Variants in CYP39A1 observed in about 807,000 individuals in gnomAD.
CYP39A1 encodes cytochrome P450 family 39 subfamily A member 1.
Under a neutral mutation model 58.1 loss-of-function variants are expected in CYP39A1, and 49 were observed. The ratio of observed to expected loss-of-function variants is 0.84; its 90% CI spans 0.67 to 1.07. The LOEUF is 1.07. Ranked by LOEUF, CYP39A1 falls within the 50% of genes least tolerant of loss-of-function variation. The pLI is 0.00. For missense variants in CYP39A1, 531 were observed against 539.4 expected (o/e 0.98, Z 0.16); for synonymous variants, 209 against 187.6 (o/e 1.11, Z -0.93).
intron 7 of CYP39A1, among the ~76,000 whole-genome samples, chr6:46,622,738 G>A (rs1389190155): frequency 1.3e-5 from 2 of 152,182 alleles, no homozygotes; most frequent in Non-Finnish European, 2.9e-5. Context: ...GATAGAAGGT[G>A]TACAGGATTA....
At chr6:46,640,473 C>A (rs1253381938) in intron 2 of CYP39A1, among the ~76,000 whole-genome samples, 1 of 152,180 alleles carries the variant, frequency 6.6e-6, no homozygotes, top group Admixed American at 6.5e-5. Flanking sequence ...TTTGAGCCCA[C>A]TATTTTCTTT....
intron 10 of CYP39A1, among the ~76,000 whole-genome samples, chr6:46,585,270 C>T (rs1772400237): frequency 6.6e-6 from 1 of 151,998 alleles, no homozygotes; most frequent in Non-Finnish European, 1.5e-5. Flanking sequence ...GTTTAAAATA[C>T]TGCTAGCTCC....
intron 10 of CYP39A1, among the ~76,000 whole-genome samples, chr6:46,555,025 C>T (rs527843923): frequency 1.9e-4 from 28 of 149,288 alleles, no homozygotes; most frequent in Admixed American, 1.5e-3. Flanking sequence ...TCACTATCTC[C>T]TCATTACACA....
intron 10 of CYP39A1, among the ~76,000 whole-genome samples, chr6:46,554,875 A>G (rs772393584): frequency 2.3e-4 from 35 of 152,068 alleles, no homozygotes; most frequent in Non-Finnish European, 4.4e-4. Flanking sequence ...CAGTCCCTCC[A>G]TGACTCCCTC....
intron 10 of CYP39A1, chr6:46,586,231 G>A: frequency 5.1e-6 from 5 of 982,990 alleles, no homozygotes; most frequent in Non-Finnish European, 6.0e-6. Flanking sequence ...TGGCATTATT[G>A]TTCAAATAAT....
chr6:46,648,107 T>C (rs542983398), intron 1 of CYP39A1, among the ~76,000 whole-genome samples: 2 of 152,262 alleles, frequency 1.3e-5, no homozygotes, highest in East Asian at 3.9e-4. Context: ...AGTGTGGTGA[T>C]TCCTCAAGGA....
intron 6 of CYP39A1, among the ~76,000 whole-genome samples, chr6:46,627,962 A>G (rs1253343418): frequency 1.3e-5 from 2 of 152,212 alleles, no homozygotes; most frequent in African/African-American, 2.4e-5. Flanking sequence ...CCAAGGTCAG[A>G]GATGGGCAAG....
intron 10 of CYP39A1, among the ~76,000 whole-genome samples, chr6:46,581,766 C>T (rs766148099): frequency 3.9e-5 from 6 of 152,072 alleles, no homozygotes; most frequent in Non-Finnish European, 8.8e-5. Flanking sequence ...ACATGTACCC[C>T]CCTTGAACCC....
intron 7 of CYP39A1, among the ~76,000 whole-genome samples, chr6:46,606,246 G>A (rs146027539): frequency 5.3e-5 from 8 of 152,228 alleles, no homozygotes; most frequent in Non-Finnish European, 1.2e-4. Flanking sequence ...TATTAGAGAT[G>A]TAGCCTACAT....
At chr6:46,638,060 A>C (rs1582455874) in intron 3 of CYP39A1, 82 bp from the exon 4 acceptor site, 29 of 1,356,098 alleles carry the variant, frequency 2.1e-5, no homozygotes, top group East Asian at 4.8e-5. Flanking sequence ...GCATTATTTC[A>C]TAGCAATATA....
chr6:46,594,877 C>T (rs1163859011), intron 8 of CYP39A1, among the ~76,000 whole-genome samples: 2 of 151,662 alleles, frequency 1.3e-5, no homozygotes, highest in East Asian at 3.9e-4. Context: ...AAGAGACAAC[C>T]TAATGGGGGA....
At chr6:46,636,713 C>A (rs1776010678) in intron 4 of CYP39A1, among the ~76,000 whole-genome samples, 1 of 152,154 alleles carries the variant, frequency 6.6e-6, no homozygotes. Flanking sequence ...ACTTTGGAGT[C>A]CTACTGGATT....
At position 46,587,114 on chromosome 6, in the gene CYP39A1, T is replaced by G. The variant is rs1226200373; in HGVS notation, c.1213A>C (p.Met405Leu). The change falls in exon 10 of 12, where the codon ATG (methionine) becomes CTG (leucine). Residue 405 changes from methionine to leucine, a missense_variant. Transcript: ENST00000275016. ...LEKHSFLDCF[M>L]AFGSGKFQCP... is the part of the protein sequence containing the mutation. ...TGGAACTTCCCGCTTCCAAATGCCA[T>G]GAAGCAGTCCAAGAAAGAGTGCTTC... The G allele has an allele frequency of 1.2e-6, 2 of 1,612,276 alleles. No individual in the cohort carries two copies. Among genetic ancestry groups the G allele is most frequent in the Admixed American group, 3.3e-5 (2 of 59,754 alleles).
intron 10 of CYP39A1, among the ~76,000 whole-genome samples, chr6:46,569,722 A>T (rs183477324): frequency 3.3e-5 from 5 of 152,208 alleles, no homozygotes; most frequent in African/African-American, 1.2e-4. Context: ...GATAAATACT[A>T]CTTGATCATG....
At chr6:46,584,127 A>G (rs920893206) in intron 10 of CYP39A1, among the ~76,000 whole-genome samples, 1 of 152,140 alleles carries the variant, frequency 6.6e-6, no homozygotes, top group Non-Finnish European at 1.5e-5. Flanking sequence ...ACAATTTGCT[A>G]TTTTATTTCT....
intron 11 of CYP39A1, among the ~76,000 whole-genome samples, chr6:46,552,366 A>T (rs1276101683): frequency 2.0e-5 from 3 of 152,174 alleles, no homozygotes; most frequent in Admixed American, 6.5e-5. Context: ...TCATTGTAAG[A>T]TTCTGAGAGC....
chr6:46,611,507 T>G (rs1443425352), intron 7 of CYP39A1, among the ~76,000 whole-genome samples: 4 of 152,202 alleles, frequency 2.6e-5, no homozygotes, highest in Non-Finnish European at 5.9e-5. Flanking sequence ...CATTCTATCA[T>G]GTCAAAAGAA....
intron 7 of CYP39A1, among the ~76,000 whole-genome samples, chr6:46,615,941 T>C (rs947832627): frequency 6.6e-6 from 1 of 151,642 alleles, no homozygotes; most frequent in African/African-American, 2.4e-5. Context: ...TGATTCTATT[T>C]AATACTATAA....
intron 8 of CYP39A1, among the ~76,000 whole-genome samples, chr6:46,594,221 T>A (rs1277279513): frequency 6.6e-6 from 1 of 152,144 alleles, no homozygotes; most frequent in Non-Finnish European, 1.5e-5. Context: ...AATGAAACAT[T>A]GCTACACAAC....
Sources: allele counts gnomAD v4.1 joint callset (sites outside exome capture counted in the v4.1 genomes callset), GRCh38; gene constraint gnomAD v4.1.1; transcripts MANE v1.5; gene names NCBI Gene and HGNC (gene_info 2026-07-23, HGNC 2026-07-21).